The following NSD1 variants were observed in gnomAD, a reference collection of about 807,000 sequenced individuals.
NSD1 encodes nuclear receptor binding SET domain protein 1.
NSD1 carries 26 observed loss-of-function variants against 242.7 expected under a neutral mutation model. That is an observed-to-expected ratio of 0.11 (90% CI 0.08 to 0.15). NSD1 has a LOEUF of 0.15. Ranked by LOEUF, NSD1 falls within the 10% of genes least tolerant of loss-of-function variation. The pLI is 1.00. For synonymous variants in NSD1, 1,106 were observed against 1,178.1 expected (o/e 0.94, Z 1.25); for missense variants, 2,495 against 3,272.8 (o/e 0.76, Z 5.80).
chr5:177,186,096 A>G (rs1761203338), intron 2 of NSD1, among the ~76,000 whole-genome samples: 1 of 117,148 alleles, frequency 8.5e-6, no homozygotes, highest in Non-Finnish European at 1.7e-5. Context: ...TATATATAAC[A>G]TATATTATAT....
chr5:177,234,405 C>T (rs558178840), intron 5 of NSD1, among the ~76,000 whole-genome samples: 3 of 152,204 alleles, frequency 2.0e-5, no homozygotes, highest in African/African-American at 7.2e-5. Context: ...AAAAAGAAAT[C>T]ATGTCAGTTT....
intron 21 of NSD1, among the ~76,000 whole-genome samples, chr5:177,290,050 G>T (rs1029013902): frequency 1.3e-5 from 2 of 151,410 alleles, no homozygotes; most frequent in Non-Finnish European, 2.9e-5. Flanking sequence ...GGTTGGTCTC[G>T]ATCTCCTGAC....
chr5:177,220,947 C>T (rs937452779), intron 5 of NSD1: 1 of 444,860 alleles, frequency 2.2e-6, no homozygotes, highest in Non-Finnish European at 4.5e-6. Flanking sequence ...TCACTGCAAC[C>T]TCCACCTCTG....
At position 177,266,570 on chromosome 5, in the gene NSD1, C is replaced by T. The variant is rs1397239258; in HGVS notation, c.5147-992C>T. The stretch of plus-strand genomic sequence containing the variant: ...CAGGACACCTCCATGATGCAGTTCA[C>T]GACCTCGGCGGCCGCCATCTTCACC... On this transcript the variant is annotated intron_variant, in intron 14 of 22. Transcript: ENST00000439151. 10 of 683,802 alleles carry T rather than the reference C, an allele frequency of 1.5e-5. No homozygotes were observed. The East Asian group carries it at 1.5e-4, about 10-fold the overall frequency. The allele number at this position is 683,802 out of a possible 1,614,324, so 42.4% of individuals were successfully genotyped here.
At chr5:177,192,240 C>T (rs1475959120) in intron 3 of NSD1, among the ~76,000 whole-genome samples, 2 of 151,558 alleles carry the variant, frequency 1.3e-5, no homozygotes, top group South Asian at 4.1e-4. Flanking sequence ...GACGGAGTCT[C>T]GCTCTTGTTG....
At chr5:177,201,225 T>A (rs1314347008) in intron 3 of NSD1, among the ~76,000 whole-genome samples, 1 of 151,962 alleles carries the variant, frequency 6.6e-6, no homozygotes, top group African/African-American at 2.4e-5. Flanking sequence ...TTATTTGTTT[T>A]TTGAGACAGA....
intron 20 of NSD1, 40 bp from the exon 21 acceptor site, chr5:177,288,779 A>T: frequency 7.2e-7 from 1 of 1,387,014 alleles, no homozygotes; most frequent in Non-Finnish European, 1.0e-6. Flanking sequence ...TAATGTAATT[A>T]AAACCATAGA....
At chr5:177,138,372 C>T (rs1487963128) in intron 2 of NSD1, among the ~76,000 whole-genome samples, 4 of 152,168 alleles carry the variant, frequency 2.6e-5, no homozygotes, top group Admixed American at 1.3e-4. Context: ...TCTCCCACCT[C>T]AGCCTCCCGA....
intron 16 of NSD1, among the ~76,000 whole-genome samples, chr5:177,273,248 A>C (rs1758085197): frequency 6.8e-6 from 1 of 147,894 alleles, no homozygotes; most frequent in South Asian, 2.2e-4. Context: ...CCTGGGCCAC[A>C]CTGGAAGAAG....
intron 2 of NSD1, among the ~76,000 whole-genome samples, chr5:177,145,079 T>C (rs953755730): frequency 7.0e-6 from 1 of 142,602 alleles, no homozygotes; most frequent in Non-Finnish European, 1.5e-5. Flanking sequence ...AGTGAGACTT[T>C]GTCTCAAAAA....
Position 177,133,824 on chromosome 5 carries a change from T to A in NSD1, c.-146T>A, listed in dbSNP as rs1223359407. ...AGGTCGCGCTCGCTGCCTTCTCCCC[T>A]GAAGAGAGACGCGGGGGGAGGGGGG... On this transcript the variant is annotated 5_prime_UTR_variant, in exon 1 of 23. Coordinates refer to ENST00000439151, the MANE Select transcript of NSD1 (RefSeq NM_022455.5). The surrounding 1 kb of genome is among the most constrained non-coding windows in gnomAD (Gnocchi z 6.2). 7.0e-6 allele frequency: 1 copy of A among 143,820 alleles called. No individual in the cohort carries two copies. The highest frequency in any genetic ancestry group is 6.8e-5 in the Admixed American group (1 of 14,748). The allele number at this position is 143,820 out of a possible 1,614,324, so 8.9% of individuals were successfully genotyped here. A position where few individuals can be genotyped will look rare whatever the true frequency, so the allele number is the denominator to read the frequency against.
At chr5:177,167,814 G>A (rs1015715868) in intron 2 of NSD1, among the ~76,000 whole-genome samples, 1 of 152,124 alleles carries the variant, frequency 6.6e-6, no homozygotes, top group Non-Finnish European at 1.5e-5. Context: ...TCAACTTAAC[G>A]ATATTTTCGA....
Position 177,256,986 on chromosome 5 carries a change from G to A in NSD1, c.4801G>A (p.Glu1601Lys), listed in dbSNP as rs2149912326. ...CTGTTTTGTATGTAAGCAGAGTGGG[G>A]AAGATGTTAAAAGGTGCCTTCTACC... ...HTCFVCKQSGEDVKRCLLPLC... is the reference protein window; with the variant it reads ...HTCFVCKQSGKDVKRCLLPLC... Residue 1601 changes from glutamate (E) to lysine (K), a missense_variant, in exon 13 of 23, where the codon GAA (glutamate) becomes AAA (lysine). Physicochemically the swap from Glu to Lys is moderately conservative, Grantham distance 56. Transcript: ENST00000439151. 1 of 1,614,076 alleles carries A rather than the reference G, an allele frequency of 6.2e-7. No individual in the cohort carries two copies. The highest frequency in any genetic ancestry group is 8.5e-7 in the Non-Finnish European group (1 of 1,179,984).
rs1373665288 is a variant in NSD1, at chr5:177,246,682, T to A, written c.4383T>A (p.Thr1461=). The A allele has an allele frequency of 6.2e-7, 1 of 1,612,654 alleles. No homozygotes were observed. The highest frequency in any genetic ancestry group is 1.1e-5 in the South Asian group (1 of 91,052). Residue 1461 remains threonine (T), a synonymous_variant, in exon 10 of 23, where the codon ACT becomes ACA. Transcript: ENST00000439151. The part of the protein sequence containing the change: ...TSYSKDFGGG[T]TKIFDKPRKR... Reference sequence around the variant, plus strand: ...ACACCTATTTTCCTGTCATAGGCACTACCAAGATATTTGACAAGCCAAGGA... The same window carrying A: ...ACACCTATTTTCCTGTCATAGGCACAACCAAGATATTTGACAAGCCAAGGA...
Position 177,134,686 on chromosome 5 carries a change from T to C in NSD1, c.-17-401T>C, listed in dbSNP as rs186968686. Among the ~76,000 whole-genome samples, 39 of 152,196 alleles carry C rather than the reference T, an allele frequency of 2.6e-4. No homozygotes were observed. The highest frequency in any genetic ancestry group is 4.7e-4 in the Non-Finnish European group (32 of 68,000). On this transcript the variant is annotated intron_variant, in intron 1 of 22. Coordinates refer to ENST00000439151, the MANE Select transcript of NSD1 (RefSeq NM_022455.5). This position sits in a 1 kb window ranked among gnomAD's most constrained non-coding sequence, Gnocchi z 4.2. Reference sequence around the variant, plus strand: ...GGGGGGGGTACCTTTTTGTGCAGGGTCCAGGAGCCCCCCTCGGACCCCGCA... The same window carrying C: ...GGGGGGGGTACCTTTTTGTGCAGGGCCCAGGAGCCCCCCTCGGACCCCGCA...
intron 3 of NSD1, among the ~76,000 whole-genome samples, chr5:177,197,321 T>G (rs1581268834): frequency 6.7e-6 from 1 of 148,546 alleles, no homozygotes; most frequent in East Asian, 2.0e-4. Context: ...AAGAGATCAG[T>G]AACAACTAAT....
intron 2 of NSD1, among the ~76,000 whole-genome samples, chr5:177,148,119 G>GT (rs34316882): frequency 1.4e-3 from 199 of 147,030 alleles, no homozygotes; most frequent in Middle Eastern, 3.4e-3. Flanking sequence ...GGCATGTTAA[G>GT]TTTTTTTTTT....
chr5:177,193,133 A>G (rs1761832285), intron 3 of NSD1, among the ~76,000 whole-genome samples: 1 of 151,740 alleles, frequency 6.6e-6, no homozygotes, highest in South Asian at 2.1e-4. Context: ...CTGAAACTTG[A>G]TTTATTTTTA....
intron 2 of NSD1, among the ~76,000 whole-genome samples, chr5:177,169,992 C>G (rs1363267578): frequency 1.3e-5 from 2 of 151,984 alleles, no homozygotes; most frequent in Non-Finnish European, 2.9e-5. Flanking sequence ...TTTTTTGAGA[C>G]GGGGTCTTGC....
Sources: gnomAD v4.1 joint callset for allele counts (sites outside exome capture counted in the v4.1 genomes callset) on GRCh38, gnomAD v4.1.1 for gene constraint, Gnocchi (gnomAD v3.1) non-coding constraint, MANE v1.5 for transcripts, NCBI Gene and HGNC (gene_info 2026-07-23, HGNC 2026-07-21) for gene names.